The following KCNJ3 variants were observed in gnomAD, a reference collection of about 807,000 sequenced individuals.
KCNJ3 encodes the protein G protein-activated inward rectifier potassium channel 1.
In KCNJ3, 4 loss-of-function variants were observed where a neutral mutation model predicts 39.2. The observed-to-expected ratio is 0.10, with a 90% CI of 0.05 to 0.23. The LOEUF is 0.23. Ranked by LOEUF, KCNJ3 falls within the 10% of genes least tolerant of loss-of-function variation. The pLI is 1.00. For missense variants in KCNJ3, 276 were observed against 634.9 expected, an observed-to-expected ratio of 0.43 and a Z score of 6.08; for synonymous variants, 230 against 237.4, an observed-to-expected ratio of 0.97 and a Z score of 0.29.
intron 2 of KCNJ3, among the ~76,000 whole-genome samples, chr2:154,849,164 T>C (rs1184946402): frequency 6.6e-6 from 1 of 152,102 alleles, no homozygotes; most frequent in Admixed American, 6.5e-5. Flanking sequence ...AGTTTCCACC[T>C]CTAGAAAATA....
At chr2:154,715,277 T>A (rs964917530) in intron 2 of KCNJ3, among the ~76,000 whole-genome samples, 3 of 152,202 alleles carry the variant, frequency 2.0e-5, no homozygotes, top group African/African-American at 7.2e-5. Context: ...ACAACACTAC[T>A]TTCATGATAT....
chr2:154,725,360 G>C (rs1029344430), intron 2 of KCNJ3, among the ~76,000 whole-genome samples: 1 of 146,628 alleles, frequency 6.8e-6, no homozygotes, highest in African/African-American at 2.5e-5. Flanking sequence ...CTGAAAGTTT[G>C]CTTTTTTTTT....
intron 2 of KCNJ3, among the ~76,000 whole-genome samples, chr2:154,789,985 A>G (rs910782329): frequency 4.6e-5 from 7 of 152,134 alleles, no homozygotes; most frequent in African/African-American, 1.7e-4. Flanking sequence ...TTTCACAGAA[A>G]TCAAGTTCCA....
At chr2:154,731,442 T>C (rs1416885309) in intron 2 of KCNJ3, among the ~76,000 whole-genome samples, 1 of 152,078 alleles carries the variant, frequency 6.6e-6, no homozygotes, top group African/African-American at 2.4e-5. Flanking sequence ...ATTTTTCTGT[T>C]TTGTGAATAA....
At chr2:154,821,635 ATTTTTTT>A (rs71422263) in intron 2 of KCNJ3, among the ~76,000 whole-genome samples, 4 of 88,072 alleles carry the variant, frequency 4.5e-5, no homozygotes, top group Non-Finnish European at 6.2e-5. Context: ...AGAATATGTG[ATTTTTTT>A]TTTTTTTTTT....
At chr2:154,717,592 C>A (rs16838032) in intron 2 of KCNJ3, among the ~76,000 whole-genome samples, 24 of 152,000 alleles carry the variant, frequency 1.6e-4, no homozygotes, top group Non-Finnish European at 3.2e-4. Context: ...TTCTTCCTCC[C>A]GAAGTTCTGT....
rs1289746518 is a variant in KCNJ3 at position 154,856,128 on chromosome 2, G to T, written c.*815G>T. ...TGAACATTTCTTATGATTTTTAAAAGTTGCTAGTACTGGGGAGAAATAATT... is the reference window on the plus strand; with the variant it reads ...TGAACATTTCTTATGATTTTTAAAATTTGCTAGTACTGGGGAGAAATAATT... On this transcript the variant is annotated 3_prime_UTR_variant, in exon 3 of 3. Transcript: ENST00000295101. The T allele has an allele frequency of 6.6e-6, 1 of 152,494 alleles. No homozygotes were observed. The highest frequency in any genetic ancestry group is 1.5e-5 in the Non-Finnish European group (1 of 67,986). 9.4% of individuals were successfully genotyped at this position (152,494 alleles called of 1,614,324 possible). A position where few individuals can be genotyped will look rare whatever the true frequency, so the allele number is the denominator to read the frequency against.
intron 2 of KCNJ3, among the ~76,000 whole-genome samples, chr2:154,742,609 G>A (rs1685671798): frequency 6.6e-6 from 1 of 151,720 alleles, no homozygotes; most frequent in Admixed American, 6.6e-5. Context: ...TTGGTTTGGA[G>A]TTCACTGATG....
At chr2:154,848,081 ACAACT>A (rs974457111) in intron 2 of KCNJ3, among the ~76,000 whole-genome samples, 21 of 152,342 alleles carry the variant, frequency 1.4e-4, no homozygotes, top group African/African-American at 5.1e-4. Context: ...TTACTTAATA[ACAACT>A]CAAATATATA....
At chr2:154,851,332 G>A (rs1217933002) in intron 2 of KCNJ3, among the ~76,000 whole-genome samples, 1 of 152,100 alleles carries the variant, frequency 6.6e-6, no homozygotes, top group African/African-American at 2.4e-5. Flanking sequence ...TTACAAAGAT[G>A]TAAAAATTCA....
At chr2:154,772,720 G>A (rs1290460708) in intron 2 of KCNJ3, among the ~76,000 whole-genome samples, 1 of 151,998 alleles carries the variant, frequency 6.6e-6, no homozygotes, top group Non-Finnish European at 1.5e-5. Flanking sequence ...TGAAGGCTGG[G>A]AGTCATTCTG....
At chr2:154,754,895 A>C (rs1685911479) in intron 2 of KCNJ3, among the ~76,000 whole-genome samples, 1 of 152,156 alleles carries the variant, frequency 6.6e-6, no homozygotes, top group African/African-American at 2.4e-5. Context: ...GCAGGTTTTA[A>C]TTGCAAATAT....
intron 2 of KCNJ3, among the ~76,000 whole-genome samples, chr2:154,839,811 G>A (rs772055114): frequency 6.6e-6 from 1 of 152,058 alleles, no homozygotes; most frequent in Non-Finnish European, 1.5e-5. Context: ...ATTTGTTTGA[G>A]TTCTTTGTAG....
At chr2:154,794,781 A>G (rs1040815041) in intron 2 of KCNJ3, among the ~76,000 whole-genome samples, 9 of 152,058 alleles carry the variant, frequency 5.9e-5, no homozygotes, top group Non-Finnish European at 1.0e-4. Context: ...TCAATCAAAG[A>G]TAGTTTAGTG....
At chr2:154,819,007 A>G (rs1386442878) in intron 2 of KCNJ3, among the ~76,000 whole-genome samples, 3 of 142,076 alleles carry the variant, frequency 2.1e-5, no homozygotes, top group South Asian at 4.6e-4. Flanking sequence ...AGTCCTTGCA[A>G]TAGCAAGATA....
chr2:154,713,178 T>C (rs1404035006), intron 2 of KCNJ3, among the ~76,000 whole-genome samples: 1 of 151,984 alleles, frequency 6.6e-6, no homozygotes, highest in Non-Finnish European at 1.5e-5. Flanking sequence ...AGAGTAATAA[T>C]TTAGTAATCT....
chr2:154,699,583 A>G lies in KCNJ3; in HGVS notation c.702+106A>G. ...GGCCCCCTCCCCTGGTTCTACCTAT[A>G]GCCACAGGTAAACTTCCTTTTGGGG... On this transcript the variant is annotated intron_variant, in intron 1 of 2. Coordinates refer to ENST00000295101, the MANE Select transcript of KCNJ3 (RefSeq NM_002239.4). This position sits in a 1 kb window ranked among gnomAD's most constrained non-coding sequence, Gnocchi z 6.4. 6.9e-7 allele frequency: 1 copy of G among 1,452,284 alleles called. No homozygotes were observed. Among genetic ancestry groups the G allele is most frequent in the Non-Finnish European group, 9.0e-7 (1 of 1,105,222 alleles). The allele number at this position is 1,452,284 out of a possible 1,614,324, so 90.0% of individuals were successfully genotyped here.
Position 154,718,798 on chromosome 2 carries a change from A to G in KCNJ3, c.919+8979A>G, listed in dbSNP as rs115052904. On this transcript the variant is annotated intron_variant, in intron 2 of 2. Transcript: ENST00000295101. ...CATCTTAGAGTGGACATTTTTCATT[A>G]ATTGTGTGGGAGGCTGGTATGGGTG... Among the ~76,000 whole-genome samples, 1,412 of 152,224 alleles carry G rather than the reference A, an allele frequency of 9.3e-3. 9 individuals are homozygous for G. Among genetic ancestry groups the G allele is most frequent in the Non-Finnish European group, 0.013 (876 of 67,998 alleles).
chr2:154,797,696 C>T (rs1686746213), intron 2 of KCNJ3, among the ~76,000 whole-genome samples: 1 of 151,822 alleles, frequency 6.6e-6, no homozygotes, highest in South Asian at 2.1e-4. Flanking sequence ...CTGTAACTTG[C>T]CTTCTCCTTA....
Sources: allele counts gnomAD v4.1 joint callset (sites outside exome capture counted in the v4.1 genomes callset), GRCh38; gene constraint gnomAD v4.1.1; non-coding constraint Gnocchi (gnomAD v3.1); transcripts MANE v1.5; gene names NCBI Gene and HGNC (gene_info 2026-07-23, HGNC 2026-07-21).